Variants in PALS1 observed in about 807,000 individuals in gnomAD.
PALS1 encodes the protein protein associated with LIN7 1, MAGUK p55 family member.
In PALS1, 31 loss-of-function variants were observed where a neutral mutation model predicts 78.9. The ratio of observed to expected loss-of-function variants is 0.39; its 90% CI spans 0.30 to 0.53. The LOEUF (loss-of-function observed/expected upper bound fraction) is 0.53. Among genes scored for constraint, PALS1 ranks in the 20% least tolerant of loss-of-function variants. The probability of loss-of-function intolerance (pLI) is 0.67; values close to 1 mark genes in which losing one functional copy is unlikely to be tolerated. For missense variants in PALS1, 704 were observed against 826.5 expected, an observed-to-expected ratio of 0.85 and a Z score of 1.82; for synonymous variants, 276 against 270.9, an observed-to-expected ratio of 1.02 and a Z score of -0.18.
At position 67,323,756 on chromosome 14, in the gene PALS1, C is replaced by A. The variant is rs1461228576; in HGVS notation, c.1795C>A (p.Pro599Thr). The A allele has an allele frequency of 1.9e-6, 3 of 1,605,464 alleles. No homozygotes were observed. Among genetic ancestry groups the A allele is most frequent in the Non-Finnish European group, 2.5e-6 (3 of 1,176,776 alleles). The change falls in exon 14 of 15, where the codon CCC becomes ACC. Residue 599 changes from proline to threonine, a missense_variant. Transcript: ENST00000261681. ...GAAACCATATATTATCTTCATTGCA[C>A]CCCCTTCACAAGAAAGACTTCGGGC... ...DLKPYIIFIAPPSQERLRALL... is the reference protein window; with the variant it reads ...DLKPYIIFIATPSQERLRALL...
chr14:67,273,387 C>T (rs185758594), intron 2 of PALS1, among the ~76,000 whole-genome samples: 2 of 152,120 alleles, frequency 1.3e-5, no homozygotes, highest in Admixed American at 1.3e-4. Flanking sequence ...GTTTTCTGTC[C>T]TTGTGAAAAT....
chr14:67,327,307 A>G (rs893454915), intron 14 of PALS1, among the ~76,000 whole-genome samples: 2 of 152,068 alleles, frequency 1.3e-5, no homozygotes, highest in Non-Finnish European at 2.9e-5. Context: ...CAAGTGAGGT[A>G]AATGTATGTT....
At chr14:67,318,139 G>A (rs1284560345) in intron 11 of PALS1, among the ~76,000 whole-genome samples, 3 of 152,078 alleles carry the variant, frequency 2.0e-5, no homozygotes, top group African/African-American at 7.2e-5. Context: ...CTTCTGTTTG[G>A]TTCACATTAG....
At chr14:67,258,084 G>A (rs1334980929) in intron 1 of PALS1, among the ~76,000 whole-genome samples, 1 of 151,704 alleles carries the variant, frequency 6.6e-6, no homozygotes, top group Non-Finnish European at 1.5e-5. Context: ...GTCTTATCTA[G>A]TATTTAAATA....
At chr14:67,266,323 A>C (rs1332238259) in intron 1 of PALS1, among the ~76,000 whole-genome samples, 1 of 147,558 alleles carries the variant, frequency 6.8e-6, no homozygotes, top group Non-Finnish European at 1.5e-5. Flanking sequence ...TGCATGAGTA[A>C]TTCAAATATT....
chr14:67,316,646 G>T (rs2085179977), intron 9 of PALS1, among the ~76,000 whole-genome samples, 186 bp from the exon 10 acceptor site: 1 of 152,078 alleles, frequency 6.6e-6, no homozygotes, highest in Non-Finnish European at 1.5e-5. Context: ...TGATTGAGCA[G>T]AGTTAATATT....
rs750977591 is a variant in PALS1 at position 67,320,346 on chromosome 14, C to T, written c.1486C>T (p.Arg496Cys). The T allele has an allele frequency of 3.1e-6, 5 of 1,612,468 alleles. No homozygotes were observed. The highest frequency in any genetic ancestry group is 2.7e-5 in the African/African-American group (2 of 74,834). Residue 496 changes from arginine to cysteine, a missense_variant, in exon 12 of 15, where the codon CGT (arginine) becomes TGT (cysteine). By Grantham distance (180) the Arg-to-Cys change is radical. Coordinates refer to ENST00000261681, the MANE Select transcript of PALS1 (RefSeq NM_022474.4). ...GPQNCGQNEL[R>C]QRLMNKEKDR... ...ACAGAACTGTGGCCAGAATGAATTG[C>T]GTCAGAGGCTCATGAACAAAGAAAA... is the stretch of plus-strand genomic sequence containing the variant.
rs549841249 is a variant in PALS1 at position 67,309,456 on chromosome 14, C to G, written c.1042-3071C>G. Among the ~76,000 whole-genome samples the G allele has an allele frequency of 5.3e-5, 8 of 152,102 alleles. No homozygotes were observed. In the South Asian group the frequency reaches 6.2e-4, roughly 12 times the overall value. On this transcript the variant is annotated intron_variant, in intron 8 of 14. Transcript: ENST00000261681. ...TTTTAGGAAAGTAAGAGCTTTTTCT[C>G]TTAATTTTAGGGTATATTTTAGATG... is the stretch of plus-strand genomic sequence containing the variant.
intron 7 of PALS1, among the ~76,000 whole-genome samples, chr14:67,302,823 A>AT (rs1208263113): frequency 7.0e-6 from 1 of 143,168 alleles, no homozygotes; most frequent in African/African-American, 2.5e-5. Flanking sequence ...TAACTCATTA[A>AT]TTCACTCAGT....
intron 14 of PALS1, among the ~76,000 whole-genome samples, chr14:67,324,280 T>C (rs1026259961): frequency 4.6e-5 from 7 of 152,208 alleles, no homozygotes; most frequent in Non-Finnish European, 7.3e-5. Context: ...ATGCTAGATA[T>C]GGTTGAGGTA....
intron 1 of PALS1, chr14:67,254,056 C>T (rs929815377): frequency 8.3e-6 from 1 of 120,182 alleles, no homozygotes; most frequent in African/African-American, 3.3e-5. Context: ...TCTTAGGATG[C>T]TCTTCTTCTA....
Position 67,332,883 on chromosome 14 carries a change from A to G in PALS1, c.1955A>G (p.Tyr652Cys). The change falls in exon 15 of 15, where the codon TAT (tyrosine) becomes TGT (cysteine). Residue 652 changes from tyrosine (Y) to cysteine (C), a missense_variant. Physicochemically the swap from Tyr to Cys is radical, Grantham distance 194. Transcript: ENST00000261681. ...GTGAATTCCGATCTTGATAAAGCCT[A>G]TCAGGAATTGCTTAGGTTAATTAAC... Reference protein sequence around the residue: ...AIVNSDLDKAYQELLRLINKL... With the variant: ...AIVNSDLDKACQELLRLINKL... 6.2e-7 allele frequency: 1 copy of G among 1,614,092 alleles called. No individual in the cohort carries two copies. Among genetic ancestry groups the G allele is most frequent in the South Asian group, 1.1e-5 (1 of 91,078 alleles).
chr14:67,277,935 C>CT (rs1423350129), intron 2 of PALS1, among the ~76,000 whole-genome samples: 1 of 151,926 alleles, frequency 6.6e-6, no homozygotes, highest in Non-Finnish European at 1.5e-5. Context: ...TTACTGTGAT[C>CT]TTTTTGCTGT....
At chr14:67,329,373 T>C (rs1333803499) in intron 14 of PALS1, among the ~76,000 whole-genome samples, 2 of 152,184 alleles carry the variant, frequency 1.3e-5, no homozygotes, top group Non-Finnish European at 2.9e-5. Flanking sequence ...TAAGGAGATT[T>C]TGGGCTGAGA....
intron 1 of PALS1, among the ~76,000 whole-genome samples, chr14:67,247,728 C>T (rs982196705): frequency 1.3e-5 from 2 of 152,054 alleles, no homozygotes; most frequent in African/African-American, 4.8e-5. Flanking sequence ...ACTGCAAGTG[C>T]CACTATGCCC....
intron 2 of PALS1, among the ~76,000 whole-genome samples, chr14:67,276,844 C>G (rs970951031): frequency 6.6e-6 from 1 of 152,124 alleles, no homozygotes; most frequent in Non-Finnish European, 1.5e-5. Context: ...GTCTCTCTTG[C>G]ATGACTTCTA....
At chr14:67,286,331 T>C (rs1035985190) in intron 3 of PALS1, among the ~76,000 whole-genome samples, 1 of 152,182 alleles carries the variant, frequency 6.6e-6, no homozygotes, top group African/African-American at 2.4e-5. Flanking sequence ...CTGTATGGGA[T>C]TGGGGAAGGG....
intron 13 of PALS1, among the ~76,000 whole-genome samples, chr14:67,322,568 A>T (rs974028074): frequency 2.6e-5 from 4 of 152,194 alleles, no homozygotes; most frequent in Non-Finnish European, 5.9e-5. Context: ...CTATTCTAAA[A>T]TAGTAATTAG....
intron 3 of PALS1, among the ~76,000 whole-genome samples, chr14:67,284,429 T>TAAAAA (rs530863294): frequency 2.2e-5 from 2 of 92,678 alleles, no homozygotes; most frequent in African/African-American, 1.3e-4. Context: ...CCCTATCTCT[T>TAAAAA]AAAAAAAAAA....
Sources: gnomAD v4.1 joint callset for allele counts (sites outside exome capture counted in the v4.1 genomes callset) on GRCh38, gnomAD v4.1.1 for gene constraint, MANE v1.5 for transcripts, NCBI Gene and HGNC (gene_info 2026-07-23, HGNC 2026-07-21) for gene names.